The following PID1 variants were observed in gnomAD, a reference collection of about 807,000 sequenced individuals.
PID1 encodes phosphotyrosine interaction domain containing 1.
In PID1, 10 loss-of-function variants were observed where a neutral mutation model predicts 19.1. That is an observed-to-expected ratio of 0.52 (90% CI 0.32 to 0.89). The LOEUF (loss-of-function observed/expected upper bound fraction) is 0.89. Ranked by LOEUF, PID1 falls within the 40% of genes least tolerant of loss-of-function variation. PID1 has a pLI of 0.03. For missense variants in PID1, 248 were observed against 285.3 expected (o/e 0.87, Z 0.94); for synonymous variants, 130 against 116.0 (o/e 1.12, Z -0.78).
At chr2:229,159,034 G>A (rs1301416844) in intron 1 of PID1, among the ~76,000 whole-genome samples, 1 of 152,142 alleles carries the variant, frequency 6.6e-6, no homozygotes, top group Non-Finnish European at 1.5e-5. Flanking sequence ...GCACAGCAGG[G>A]TGATTGTAGG....
intron 1 of PID1, among the ~76,000 whole-genome samples, chr2:229,179,514 G>C (rs1451513699): frequency 6.6e-6 from 1 of 152,160 alleles, no homozygotes; most frequent in Non-Finnish European, 1.5e-5. Context: ...TCAAAAGTAA[G>C]TTTTAAGTAA....
chr2:229,142,604 A>G (rs1235296768), intron 2 of PID1, among the ~76,000 whole-genome samples: 1 of 152,206 alleles, frequency 6.6e-6, no homozygotes, highest in Non-Finnish European at 1.5e-5. Flanking sequence ...AATGCTCATC[A>G]TCACTGGCCA....
chr2:229,264,644 G>A (rs561704945), intron 1 of PID1, among the ~76,000 whole-genome samples: 1 of 152,296 alleles, frequency 6.6e-6, no homozygotes, highest in South Asian at 2.1e-4. Context: ...AGAGACAAGT[G>A]GACAGTGAGC....
chr2:229,051,961 CA>C (rs1439663509), intron 2 of PID1, among the ~76,000 whole-genome samples: 1 of 152,118 alleles, frequency 6.6e-6, no homozygotes, highest in Non-Finnish European at 1.5e-5. Context: ...GCCTAGTATC[CA>C]GGTCAGGATG....
At chr2:229,268,229 A>C (rs1283594994) in intron 1 of PID1, among the ~76,000 whole-genome samples, 1 of 152,186 alleles carries the variant, frequency 6.6e-6, no homozygotes, top group African/African-American at 2.4e-5. Context: ...CTAAACCTCA[A>C]ATCAGAAAAT....
chr2:229,099,866 A>G (rs1695041760), intron 2 of PID1, among the ~76,000 whole-genome samples: 1 of 152,224 alleles, frequency 6.6e-6, no homozygotes, highest in Non-Finnish European at 1.5e-5. Flanking sequence ...TAATTGGAAC[A>G]TCATACCTTT....
chr2:229,113,507 T>C (rs371851014), intron 2 of PID1, among the ~76,000 whole-genome samples: 1 of 81,166 alleles, frequency 1.2e-5, no homozygotes, highest in East Asian at 3.8e-4. Context: ...TGTGTGTGTA[T>C]ACATATATAT....
chr2:229,248,366 C>T (rs115369025), intron 1 of PID1, among the ~76,000 whole-genome samples: 1,763 of 152,180 alleles, frequency 0.012, 29 homozygotes, highest in African/African-American at 0.04. Flanking sequence ...CTTCTCAGTG[C>T]GTTGTATCAG....
chr2:229,262,999 T>C, intron 1 of PID1: 1 of 1,130,660 alleles, frequency 8.8e-7, no homozygotes, highest in East Asian at 2.9e-5. Flanking sequence ...TAAAGCTACA[T>C]TCACAGGTAC....
At chr2:229,139,150 C>CG (rs1689957908) in intron 2 of PID1, among the ~76,000 whole-genome samples, 7 of 110,702 alleles carry the variant, frequency 6.3e-5, no homozygotes, top group African/African-American at 2.7e-4. Flanking sequence ...AGAAAGAAAG[C>CG]AAGCGAGCGA....
intron 1 of PID1, among the ~76,000 whole-genome samples, chr2:229,218,903 G>T (rs534156419): frequency 1.3e-4 from 20 of 152,146 alleles, no homozygotes; most frequent in Non-Finnish European, 2.1e-4. Context: ...GACTAATCTT[G>T]ATCCATACTC....
chr2:229,232,178 C>T (rs538809895), intron 1 of PID1: 17 of 1,366,484 alleles, frequency 1.2e-5, no homozygotes, highest in South Asian at 1.2e-4. Flanking sequence ...AATCCCAGCA[C>T]TCTGGGAGGC....
chr2:229,057,392 GT>G (rs1694125127), intron 2 of PID1, among the ~76,000 whole-genome samples: 1 of 151,264 alleles, frequency 6.6e-6, no homozygotes, highest in African/African-American at 2.4e-5. Context: ...GGAGGCGGAG[GT>G]TGCAGTGGGC....
At chr2:229,181,337 G>T (rs1186896561) in intron 1 of PID1, among the ~76,000 whole-genome samples, 1 of 151,936 alleles carries the variant, frequency 6.6e-6, no homozygotes, top group Non-Finnish European at 1.5e-5. Flanking sequence ...GTCTACTTTG[G>T]TTGAAATATA....
rs112752171 is a variant in PID1, at chr2:229,165,403, C to T, written c.31-9439G>A. On this transcript the variant is annotated intron_variant, in intron 1 of 2. Coordinates refer to ENST00000392055, the MANE Select transcript of PID1 (RefSeq NM_001100818.2). ...CCGCTTAAGCTCAGGAGTTCAAGAC[C>T]AGCCTGGGCAAGATGGTGAAACCCC... Among the ~76,000 whole-genome samples the T allele has an allele frequency of 6.8e-4, 103 of 152,100 alleles. 2 individuals carry two copies. The highest frequency in any genetic ancestry group is 2.2e-3 in the African/African-American group (93 of 41,500).
intron 2 of PID1, among the ~76,000 whole-genome samples, chr2:229,088,033 C>T (rs747262766): frequency 6.6e-6 from 1 of 152,168 alleles, no homozygotes; most frequent in Admixed American, 6.6e-5. Flanking sequence ...TCTGAGAGGA[C>T]TTCTTGTTCC....
intron 1 of PID1, among the ~76,000 whole-genome samples, chr2:229,221,542 G>A: frequency 6.6e-6 from 1 of 152,014 alleles, no homozygotes; most frequent in East Asian, 1.9e-4. Flanking sequence ...GTTCATCAAT[G>A]CCTCTTTCCA....
intron 2 of PID1, among the ~76,000 whole-genome samples, chr2:229,129,161 C>T (rs1574651650): frequency 1.3e-5 from 2 of 152,256 alleles, no homozygotes; most frequent in African/African-American, 2.4e-5. Context: ...GCCCAAGCCC[C>T]GCTGTCTCCA....
chr2:229,139,155 G>GCAAGCA lies in PID1; in HGVS notation c.177+16662_177+16663insTGCTTG, dbSNP rs1559252004. Among the ~76,000 whole-genome samples, 12 of 112,774 alleles carry GCAAGCA rather than the reference G, an allele frequency of 1.1e-4. 1 individual carries two copies. Among genetic ancestry groups the GCAAGCA allele is most frequent in the African/African-American group, 3.5e-4 (10 of 28,824 alleles). The allele number at this position is 112,774 out of a possible 152,430, so 74.0% of individuals were successfully genotyped here. On this transcript the variant is annotated intron_variant, in intron 2 of 2. Coordinates refer to ENST00000392055, the MANE Select transcript of PID1 (RefSeq NM_001100818.2). ...AAAGAAAGAAAGAAAGAAAGCAAGC[G>GCAAGCA]AGCGAGCAAGCGAGCTTCCCTTGAC...
Sources: gnomAD v4.1 joint callset for allele counts (sites outside exome capture counted in the v4.1 genomes callset) on GRCh38, gnomAD v4.1.1 for gene constraint, MANE v1.5 for transcripts, NCBI Gene and HGNC (gene_info 2026-07-23, HGNC 2026-07-21) for gene names.